STAT2: variants seen among roughly 807,000 people sequenced by gnomAD.
STAT2 encodes interferon alpha induced transcriptional activator.
In STAT2, 51 loss-of-function variants were observed where a neutral mutation model predicts 122.3. That is an observed-to-expected ratio of 0.42 (90% confidence interval 0.33 to 0.53). STAT2 has a LOEUF of 0.53. Among genes scored for constraint, STAT2 ranks in the 20% least tolerant of loss-of-function variants. STAT2 has a pLI of 0.10. For synonymous variants in STAT2, 351 were observed against 394.9 expected (o/e 0.89, Z 1.32); for missense variants, 736 against 1,010.3 (o/e 0.73, Z 3.68).
intron 8 of STAT2, among the ~76,000 whole-genome samples, chr12:56,352,791 C>G (rs1878747993): frequency 6.6e-6 from 1 of 151,920 alleles, no homozygotes; most frequent in Non-Finnish European, 1.5e-5. Context: ...TCTGCCTCAG[C>G]CTCCTCAGTA....
At chr12:56,345,524 A>AAAAAAAAT (rs1555169410) in intron 22 of STAT2, among the ~76,000 whole-genome samples, 1 of 26,250 alleles carries the variant, frequency 3.8e-5, no homozygotes, top group Non-Finnish European at 5.4e-5. Flanking sequence ...AAAAAAAAAA[A>AAAAAAAAT]ATATATATAT....
intron 7 of STAT2, 39 bp downstream of exon 7, chr12:56,354,739 G>A (rs778836210): frequency 3.7e-6 from 6 of 1,613,690 alleles, no homozygotes; most frequent in Non-Finnish European, 5.1e-6. Context: ...CATTTTTCCA[G>A]GTCCTTGTTG....
chr12:56,350,285 C>A, intron 12 of STAT2, 95 bp from the exon 13 acceptor site: 1 of 1,431,180 alleles, frequency 7.0e-7, no homozygotes, highest in Non-Finnish European at 9.6e-7. Flanking sequence ...CATTTCAGAT[C>A]TCGCCATCTC....
intron 10 of STAT2, 33 bp from the exon 11 acceptor site, chr12:56,350,921 T>A (rs779471878): frequency 1.9e-6 from 3 of 1,611,280 alleles, no homozygotes; most frequent in Non-Finnish European, 2.5e-6. Flanking sequence ...GGGAAAGTGG[T>A]CAACCTCAAC....
Position 56,346,852 on chromosome 12 carries a change from T to C in STAT2, c.1828A>G (p.Ile610Val), listed in dbSNP as rs1251947037. ...TGGTGCTCCACCCAGGAGCAGGTAATGCCCCCTTCTGACGATTCACTGAAG... is the reference window on the plus strand; with the variant it reads ...TGGTGCTCCACCCAGGAGCAGGTAACGCCCCCTTCTGACGATTCACTGAAG... Reference protein sequence around the residue: ...LRFSESSEGGITCSWVEHQDD... With the variant: ...LRFSESSEGGVTCSWVEHQDD... The change falls in exon 20 of 24, where the codon ATT becomes GTT. Residue 610 changes from isoleucine to valine, a missense_variant. Coordinates refer to ENST00000314128, the MANE Select transcript of STAT2 (RefSeq NM_005419.4). The C allele has an allele frequency of 4.3e-6, 7 of 1,613,700 alleles. No individual in the cohort carries two copies. The East Asian group carries it at 1.3e-4, about 31-fold the overall frequency.
chr12:56,351,921 A>ACTCTCTT (rs1878553940), intron 8 of STAT2, among the ~76,000 whole-genome samples: 3 of 151,070 alleles, frequency 2.0e-5, no homozygotes, highest in Non-Finnish European at 4.4e-5. Flanking sequence ...AGACAGTCTC[A>ACTCTCTT]CTCTCTTGTC....
chr12:56,348,731 C>T (rs1331701980), intron 18 of STAT2, 21 bp downstream of exon 18: 1 of 1,614,090 alleles, frequency 6.2e-7, no homozygotes, highest in East Asian at 2.2e-5. Flanking sequence ...TCCAGCAGCT[C>T]CACAGGATTC....
At chr12:56,343,746 CTTTT>C (rs1876920623) in intron 23 of STAT2, 75 bp downstream of exon 23, 2 of 1,575,680 alleles carry the variant, frequency 1.3e-6, no homozygotes, top group East Asian at 4.5e-5. Flanking sequence ...TGGAGTTCAG[CTTTT>C]TCTGTAATGG....
At chr12:56,351,261 T>G (rs1316870876) in intron 9 of STAT2, 31 bp downstream of exon 9, 1 of 1,612,274 alleles carries the variant, frequency 6.2e-7, no homozygotes, top group Non-Finnish European at 8.5e-7. Context: ...TGTTCCTTCT[T>G]TCCCCCAGGG....
At chr12:56,358,927 C>A (rs936866441) in intron 1 of STAT2, among the ~76,000 whole-genome samples, 2 of 152,138 alleles carry the variant, frequency 1.3e-5, no homozygotes, top group Admixed American at 1.3e-4. Context: ...TTGCCTGTCA[C>A]CAAGCAGGCT....
chr12:56,343,260 G>C lies in STAT2; in HGVS notation c.*129C>G. 1 of 1,327,632 alleles carries C rather than the reference G, an allele frequency of 7.5e-7. No individual in the cohort carries two copies. Among genetic ancestry groups the C allele is most frequent in the Non-Finnish European group, 1.0e-6 (1 of 972,060 alleles). The allele number at this position is 1,327,632 out of a possible 1,614,324, so 82.2% of individuals were successfully genotyped here. A position where few individuals can be genotyped will look rare whatever the true frequency, so the allele number is the denominator to read the frequency against. ...CCTCTCACCCCAATGGAGTCACACA[G>C]GCCTGAGTTTGAACAGTTAACACAG... is the stretch of plus-strand genomic sequence containing the variant. On this transcript the variant is annotated 3_prime_UTR_variant, in exon 24 of 24. Coordinates refer to ENST00000314128, the MANE Select transcript of STAT2 (RefSeq NM_005419.4).
chr12:56,349,469 A>C lies in STAT2; in HGVS notation c.1298T>G (p.Phe433Cys). The C allele has an allele frequency of 6.2e-7, 1 of 1,614,158 alleles. No homozygotes were observed. The highest frequency in any genetic ancestry group is 8.5e-7 in the Non-Finnish European group (1 of 1,180,032). Residue 433 changes from phenylalanine to cysteine, a missense_variant, in exon 15 of 24, where the codon TTC becomes TGC. Phe to Cys is a radical substitution (Grantham distance 205). Coordinates refer to ENST00000314128, the MANE Select transcript of STAT2 (RefSeq NM_005419.4). ...GVTEELHIIS[F>C]TVKYTYQGLK... ...ACCCTGGTAGGTATATTTGACCGTG[A>C]AGCTGATGATGTGCAGTTCCTCTGT...
At chr12:56,359,498 T>C (rs758618497) in intron 1 of STAT2, among the ~76,000 whole-genome samples, 1 of 151,820 alleles carries the variant, frequency 6.6e-6, no homozygotes, top group South Asian at 2.1e-4. Context: ...GATTCAAATA[T>C]GAAAACAAAA....
At chr12:56,356,667 A>C in intron 1 of STAT2, 89 bp from the exon 2 acceptor site, 1 of 1,466,022 alleles carries the variant, frequency 6.8e-7, no homozygotes, top group Non-Finnish European at 9.1e-7. Context: ...TACTAATTTA[A>C]AATGTTTAAA....
At chr12:56,351,543 A>C in intron 8 of STAT2, 93 bp from the exon 9 acceptor site, 1 of 1,356,754 alleles carries the variant, frequency 7.4e-7, no homozygotes. Context: ...GTGAAGAGTC[A>C]GAAACTGACT....
At chr12:56,351,552 C>CTCT in intron 8 of STAT2, 102 bp from the exon 9 acceptor site, 1 of 1,252,250 alleles carries the variant, frequency 8.0e-7, no homozygotes, top group Non-Finnish European at 1.1e-6. Context: ...CAGAAACTGA[C>CTCT]TGGGGGGAAG....
chr12:56,349,971 C>T (rs1050591783), intron 13 of STAT2, 126 bp downstream of exon 13: 4 of 823,466 alleles, frequency 4.9e-6, no homozygotes, highest in Non-Finnish European at 2.0e-6. Flanking sequence ...ATTGCTTGAA[C>T]CCGGGAGGCG....
intron 11 of STAT2, 47 bp from the exon 12 acceptor site, chr12:56,350,479 A>C (rs745461292): frequency 6.4e-7 from 1 of 1,552,586 alleles, no homozygotes; most frequent in Non-Finnish European, 8.7e-7. Context: ...AAGAGTATGG[A>C]AGTTAGGAGT....
At chr12:56,344,235 G>A (rs531967991) in intron 22 of STAT2, 100 bp from the exon 23 acceptor site, 204 of 1,445,124 alleles carry the variant, frequency 1.4e-4, no homozygotes, top group South Asian at 1.0e-3. Flanking sequence ...GCAGTAGGGC[G>A]GAGGGCTAAA....
Sources: allele counts gnomAD v4.1 joint callset (sites outside exome capture counted in the v4.1 genomes callset), GRCh38; gene constraint gnomAD v4.1.1; transcripts MANE v1.5; gene names NCBI Gene and HGNC (gene_info 2026-07-23, HGNC 2026-07-21).